The following FGF19 variants were observed in gnomAD, a reference collection of about 807,000 sequenced individuals.
FGF19 encodes fibroblast growth factor 19.
A neutral mutation model predicts 8.9 loss-of-function variants in FGF19; 5 were observed. The observed-to-expected ratio is 0.56, with a 90% CI of 0.29 to 1.18. The LOEUF (loss-of-function observed/expected upper bound fraction) is 1.18. Ranked by LOEUF, FGF19 falls within the 50% of genes most tolerant of loss-of-function variation. The pLI is 0.08. For missense variants in FGF19, 237 were observed against 293.9 expected (o/e 0.81, Z 1.42); for synonymous variants, 124 against 128.0 (o/e 0.97, Z 0.21).
At chr11:69,700,228 T>C (rs1187509295) in intron 2 of FGF19, among the ~76,000 whole-genome samples, 2 of 152,062 alleles carry the variant, frequency 1.3e-5, no homozygotes, top group African/African-American at 4.8e-5. Flanking sequence ...TAAATATACA[T>C]TTATATACCT....
rs1854787049 is a variant in FGF19 at position 69,702,609 on chromosome 11, C to T, written c.336+652G>A. Among the ~76,000 whole-genome samples, 1 of 152,178 alleles carries T rather than the reference C, an allele frequency of 6.6e-6. No individual in the cohort carries two copies. The highest frequency in any genetic ancestry group is 2.1e-4 in the South Asian group (1 of 4,830). Reference sequence around the variant, plus strand: ...TACCTGGGCCTTCCCTGCCAGCCCCCACCCCCTGCCCCCACCAGAAAGCGT... The same window carrying T: ...TACCTGGGCCTTCCCTGCCAGCCCCTACCCCCTGCCCCCACCAGAAAGCGT... On this transcript the variant is annotated intron_variant, in intron 2 of 2. Coordinates refer to ENST00000294312, the MANE Select transcript of FGF19 (RefSeq NM_005117.3). The surrounding 1 kb of genome is among the most constrained non-coding windows in gnomAD (Gnocchi z 4.6).
chr11:69,700,655 G>A (rs1307968), intron 2 of FGF19, among the ~76,000 whole-genome samples: 134,117 of 152,292 alleles, frequency 0.88, 59,070 homozygotes, highest in East Asian at 0.94. Flanking sequence ...TCATTCTAAG[G>A]CCTTCTGGTC....
Position 69,703,218 on chromosome 11 carries a change from C to T in FGF19, c.336+43G>A. 1 of 1,417,466 alleles carries T rather than the reference C, an allele frequency of 7.1e-7. No homozygotes were observed. Among genetic ancestry groups the T allele is most frequent in the Non-Finnish European group, 9.7e-7 (1 of 1,030,438 alleles). The allele number at this position is 1,417,466 out of a possible 1,614,324, so 87.8% of individuals were successfully genotyped here. ...TCAGGCCTCCGCCCGGGGACAGGCG[C>T]CGGTCCCCCGCCCCGGCGCATCCGC... On this transcript the variant is annotated intron_variant, in intron 2 of 2. Transcript: ENST00000294312. This position sits in a 1 kb window ranked among gnomAD's most constrained non-coding sequence, Gnocchi z 6.8.
rs768424122 is a variant in FGF19 at position 69,703,965 on chromosome 11, G to C, written c.-89C>G. 1.0e-5 allele frequency: 8 copies of C among 783,692 alleles called. No homozygotes were observed. The highest frequency in any genetic ancestry group is 1.4e-5 in the Non-Finnish European group (8 of 575,438). The allele number at this position is 783,692 out of a possible 1,614,324, so 48.5% of individuals were successfully genotyped here. A position where few individuals can be genotyped will look rare whatever the true frequency, so the allele number is the denominator to read the frequency against. On this transcript the variant is annotated 5_prime_UTR_variant, in exon 1 of 3. Coordinates refer to ENST00000294312, the MANE Select transcript of FGF19 (RefSeq NM_005117.3). The surrounding 1 kb of genome is among the most constrained non-coding windows in gnomAD (Gnocchi z 6.8). ...CGGGATGCGCTGCGGGGCTGTGAGT[G>C]CCGGGTTGGGATGGTCGTGGCCCTA... is the stretch of plus-strand genomic sequence containing the variant.
chr11:69,699,336 C>T lies in FGF19; in HGVS notation c.577G>A (p.Glu193Lys). ...LESDMFSSPL[E>K]TDSMDPFGLV... is the part of the protein sequence containing the mutation. ...CCAAATGGGTCCATGCTGTCGGTCTCCAGGGGCGAAGAGAACATGTCAGAT... is the reference window on the plus strand; with the variant it reads ...CCAAATGGGTCCATGCTGTCGGTCTTCAGGGGCGAAGAGAACATGTCAGAT... The change falls in exon 3 of 3, where the codon GAG becomes AAG. Residue 193 changes from glutamate (E) to lysine (K), a missense_variant. Coordinates refer to ENST00000294312, the MANE Select transcript of FGF19 (RefSeq NM_005117.3). 4 of 1,614,182 alleles carry T rather than the reference C, an allele frequency of 2.5e-6. No homozygotes were observed. The highest frequency in any genetic ancestry group is 3.4e-6 in the Non-Finnish European group (4 of 1,180,036).
At chr11:69,701,050 G>C (rs745814674) in intron 2 of FGF19, among the ~76,000 whole-genome samples, 1 of 152,236 alleles carries the variant, frequency 6.6e-6, no homozygotes, top group African/African-American at 2.4e-5. Context: ...GTGCTAATAA[G>C]CTCCTGATAA....
chr11:69,699,451 G>A lies in FGF19; in HGVS notation c.462C>T (p.Tyr154=), dbSNP rs570630659. 1.9e-5 allele frequency: 31 copies of A among 1,614,196 alleles called. 1 individual carries two copies. In the South Asian group the frequency reaches 2.6e-4, roughly 14 times the overall value. The change falls in exon 3 of 3, where the codon TAC becomes TAT. Residue 154 remains tyrosine, a synonymous_variant. Coordinates refer to ENST00000294312, the MANE Select transcript of FGF19 (RefSeq NM_005117.3). ...SLSSAKQRQL[Y]KNRGFLPLSH... Reference sequence around the variant, plus strand: ...AGAGTGGAAGAAAGCCTCTGTTCTTGTACAGCTGCCGCTGTTTGGCACTGC... The same window carrying A: ...AGAGTGGAAGAAAGCCTCTGTTCTTATACAGCTGCCGCTGTTTGGCACTGC...
chr11:69,703,140 C>G lies in FGF19; in HGVS notation c.336+121G>C. Reference sequence around the variant, plus strand: ...CTTTCCCTCGAAGTTGCACGCGGGTCTGGGCGGAGGAGGCGAGGAAACCCT... The same window carrying G: ...CTTTCCCTCGAAGTTGCACGCGGGTGTGGGCGGAGGAGGCGAGGAAACCCT... On this transcript the variant is annotated intron_variant, in intron 2 of 2. Transcript: ENST00000294312. This position sits in a 1 kb window ranked among gnomAD's most constrained non-coding sequence, Gnocchi z 6.8. 1 of 618,492 alleles carries G rather than the reference C, an allele frequency of 1.6e-6. No individual in the cohort carries two copies. The highest frequency in any genetic ancestry group is 2.8e-6 in the Non-Finnish European group (1 of 360,482). 38.3% of individuals were successfully genotyped at this position (618,492 alleles called of 1,614,324 possible).
rs954444372 is a variant in FGF19, at chr11:69,703,663, G to T, written c.214C>A (p.Arg72=). 4 of 1,232,866 alleles carry T rather than the reference G, an allele frequency of 3.2e-6. No homozygotes were observed. The highest frequency in any genetic ancestry group is 3.0e-6 in the Non-Finnish European group (3 of 988,972). The allele number at this position is 1,232,866 out of a possible 1,614,324, so 76.4% of individuals were successfully genotyped here. A position where few individuals can be genotyped will look rare whatever the true frequency, so the allele number is the denominator to read the frequency against. The part of the protein sequence containing the change: ...IRADGVVDCA[R]GQSAHSLLEI... Reference sequence around the variant, plus strand: ...CACTCACTGTGCGCGCTCTGGCCCCGCGCGCAGTCCACGACGCCGTCGGCA... The same window carrying T: ...CACTCACTGTGCGCGCTCTGGCCCCTCGCGCAGTCCACGACGCCGTCGGCA... Residue 72 remains arginine, a synonymous_variant, in exon 1 of 3, where the codon CGG becomes AGG. Coordinates refer to ENST00000294312, the MANE Select transcript of FGF19 (RefSeq NM_005117.3). This position sits in a 1 kb window ranked among gnomAD's most constrained non-coding sequence, Gnocchi z 6.8.
Position 69,703,408 on chromosome 11 carries a change from C to T in FGF19, c.233-44G>A, listed in dbSNP as rs2097449221. 7 of 1,464,142 alleles carry T rather than the reference C, an allele frequency of 4.8e-6. No individual in the cohort carries two copies. The highest frequency in any genetic ancestry group is 6.6e-6 in the Non-Finnish European group (7 of 1,065,574). 90.7% of individuals were successfully genotyped at this position (1,464,142 alleles called of 1,614,324 possible). ...AGAAGCTGCAGCAAGGACCGCTGGG[C>T]CCGCACCACGTGGGTGCGGTCGGTC... is the stretch of plus-strand genomic sequence containing the variant. On this transcript the variant is annotated intron_variant, in intron 1 of 2. Coordinates refer to ENST00000294312, the MANE Select transcript of FGF19 (RefSeq NM_005117.3). This position sits in a 1 kb window ranked among gnomAD's most constrained non-coding sequence, Gnocchi z 6.8.
chr11:69,702,765 A>G lies in FGF19; in HGVS notation c.336+496T>C, dbSNP rs1026227472. Among the ~76,000 whole-genome samples, 2 of 152,186 alleles carry G rather than the reference A, an allele frequency of 1.3e-5. No homozygotes were observed. Among genetic ancestry groups the G allele is most frequent in the African/African-American group, 4.8e-5 (2 of 41,434 alleles). ...TAATTCTAAAAAAAAAATCTCTCCTATCCCAAATGCACTGTTTTCTGCCTT... is the reference window on the plus strand; with the variant it reads ...TAATTCTAAAAAAAAAATCTCTCCTGTCCCAAATGCACTGTTTTCTGCCTT... On this transcript the variant is annotated intron_variant, in intron 2 of 2. Transcript: ENST00000294312. The surrounding 1 kb of genome is among the most constrained non-coding windows in gnomAD (Gnocchi z 4.6).
At position 69,702,020 on chromosome 11, in the gene FGF19, A is replaced by G. The variant is rs530900170; in HGVS notation, c.336+1241T>C. Among the ~76,000 whole-genome samples the G allele has an allele frequency of 1.0e-4, 15 of 147,882 alleles. 1 individual carries two copies. In the South Asian group the frequency reaches 3.2e-3, roughly 32 times the overall value. The stretch of plus-strand genomic sequence containing the variant: ...GCACAGAGGGATTTCAGGTGACCCA[A>G]CCCCCAATTTGGGCAGAATGGCGGG... On this transcript the variant is annotated intron_variant, in intron 2 of 2. Coordinates refer to ENST00000294312, the MANE Select transcript of FGF19 (RefSeq NM_005117.3). The surrounding 1 kb of genome is among the most constrained non-coding windows in gnomAD (Gnocchi z 4.6).
rs191439329 is a variant in FGF19 at position 69,700,555 on chromosome 11, G to C, written c.337-979C>G. Among the ~76,000 whole-genome samples, 236 of 152,314 alleles carry C rather than the reference G, an allele frequency of 1.5e-3. 1 individual carries two copies. Among genetic ancestry groups the C allele is most frequent in the African/African-American group, 5.3e-3 (220 of 41,568 alleles). Reference sequence around the variant, plus strand: ...AAACTGGGTTGTCATCTTAGGATAGGTCTTTTAAATAAATTGCGTGTGATC... The same window carrying C: ...AAACTGGGTTGTCATCTTAGGATAGCTCTTTTAAATAAATTGCGTGTGATC... On this transcript the variant is annotated intron_variant, in intron 2 of 2. Transcript: ENST00000294312.
intron 2 of FGF19, among the ~76,000 whole-genome samples, chr11:69,700,736 T>C (rs1481470341): frequency 6.6e-6 from 1 of 151,348 alleles, no homozygotes; most frequent in Non-Finnish European, 1.5e-5. Context: ...CCAGGCAGGC[T>C]GCCAGGAGGC....
Position 69,703,254 on chromosome 11 carries a change from C to T in FGF19, c.336+7G>A. ...CCCCGGCGCATCCGCCCCGTGGGGA[C>T]ACTTACCAGCCCCTGCATCTTGCCG... On this transcript the variant is annotated splice_region_variant and intron_variant, in intron 2 of 2. Transcript: ENST00000294312. The surrounding 1 kb of genome is among the most constrained non-coding windows in gnomAD (Gnocchi z 6.8). 1 of 1,586,094 alleles carries T rather than the reference C, an allele frequency of 6.3e-7. No individual in the cohort carries two copies. The highest frequency in any genetic ancestry group is 8.6e-7 in the Non-Finnish European group (1 of 1,165,292).
chr11:69,703,376 G>A lies in FGF19; in HGVS notation c.233-12C>T, dbSNP rs769885512. 1 of 1,594,536 alleles carries A rather than the reference G, an allele frequency of 6.3e-7. No homozygotes were observed. The highest frequency in any genetic ancestry group is 8.5e-7 in the Non-Finnish European group (1 of 1,170,148). On this transcript the variant is annotated splice_polypyrimidine_tract_variant and intron_variant, in intron 1 of 2. Transcript: ENST00000294312. The surrounding 1 kb of genome is among the most constrained non-coding windows in gnomAD (Gnocchi z 6.8). ...GATCTCCAGCAAACCTAGGCGCAGG[G>A]GAAGCGAGAAGCTGCAGCAAGGACC...
chr11:69,699,713 A>G, intron 2 of FGF19, 137 bp from the exon 3 acceptor site: 1 of 621,566 alleles, frequency 1.6e-6, no homozygotes, highest in South Asian at 2.0e-5. Flanking sequence ...CATGTTTTAT[A>G]CATACTTCCT....
intron 2 of FGF19, among the ~76,000 whole-genome samples, chr11:69,701,648 G>A (rs935879686): frequency 7.0e-6 from 1 of 142,328 alleles, no homozygotes; most frequent in Non-Finnish European, 1.5e-5. Context: ...ATTTCTGTTA[G>A]ACCATGCACA....
In FGF19 at chr11:69,700,540, G is replaced by C. The variant is rs186632639; in HGVS notation, c.337-964C>G. Among the ~76,000 whole-genome samples, 13 of 152,350 alleles carry C rather than the reference G, an allele frequency of 8.5e-5. No homozygotes were observed. In the East Asian group the frequency reaches 2.3e-3, roughly 27 times the overall value. ...TTGGGAAACACTGATAAACTGGGTTGTCATCTTAGGATAGGTCTTTTAAAT... is the reference window on the plus strand; with the variant it reads ...TTGGGAAACACTGATAAACTGGGTTCTCATCTTAGGATAGGTCTTTTAAAT... On this transcript the variant is annotated intron_variant, in intron 2 of 2. Transcript: ENST00000294312.
Sources: gnomAD v4.1 joint callset for allele counts (sites outside exome capture counted in the v4.1 genomes callset) on GRCh38, gnomAD v4.1.1 for gene constraint, Gnocchi (gnomAD v3.1) non-coding constraint, MANE v1.5 for transcripts, NCBI Gene and HGNC (gene_info 2026-07-23, HGNC 2026-07-21) for gene names.